TNFRSF1B: variants seen among roughly 807,000 people sequenced by gnomAD.
The protein encoded by TNFRSF1B is tumor necrosis factor receptor superfamily member 1B.
A neutral mutation model predicts 44.6 loss-of-function variants in TNFRSF1B; 19 were observed. The observed-to-expected ratio is 0.43, with a 90% CI of 0.30 to 0.62. TNFRSF1B has a LOEUF of 0.62. Among genes scored for constraint, TNFRSF1B ranks in the 20% least tolerant of loss-of-function variants. The pLI, the probability that TNFRSF1B is intolerant of heterozygous loss-of-function variation, is 0.16. For missense variants in TNFRSF1B, 541 were observed against 619.9 expected, an observed-to-expected ratio of 0.87 and a Z score of 1.35; for synonymous variants, 252 against 261.1, an observed-to-expected ratio of 0.97 and a Z score of 0.34.
chr1:12,201,810 G>T (rs1639395073), intron 8 of TNFRSF1B, among the ~76,000 whole-genome samples, 157 bp from the exon 9 acceptor site: 1 of 152,216 alleles, frequency 6.6e-6, no homozygotes, highest in Non-Finnish European at 1.5e-5. Flanking sequence ...CCCAAAAAGT[G>T]CCGTGTGTGG....
chr1:12,197,471 C>T (rs1639291093), intron 8 of TNFRSF1B, among the ~76,000 whole-genome samples: 1 of 152,182 alleles, frequency 6.6e-6, no homozygotes, highest in Non-Finnish European at 1.5e-5. Flanking sequence ...CTGAGCTTAT[C>T]CCAGCACAGC....
intron 8 of TNFRSF1B, among the ~76,000 whole-genome samples, chr1:12,195,789 T>C (rs924216174): frequency 6.6e-6 from 1 of 152,104 alleles, no homozygotes; most frequent in Non-Finnish European, 1.5e-5. Context: ...GCAGGTTTTT[T>C]ACCCAATTTG....
At position 12,202,136 on chromosome 1, in the gene TNFRSF1B, G is replaced by A. The variant is rs1025247696; in HGVS notation, c.1070G>A (p.Gly357Glu). ...QPQAPGVEASGAGEARASTGS... is the reference protein window; with the variant it reads ...QPQAPGVEASEAGEARASTGS... ...CAGGCACCAGGCGTGGAGGCCAGTG[G>A]GGCCGGGGAGGCCCGGGCCAGCACC... The change falls in exon 9 of 10, where the codon GGG becomes GAG. Residue 357 changes from glycine to glutamate, a missense_variant. Coordinates refer to ENST00000376259, the MANE Select transcript of TNFRSF1B (RefSeq NM_001066.3). 6 of 1,557,096 alleles carry A rather than the reference G, an allele frequency of 3.9e-6. No homozygotes were observed. The African/African-American group carries it at 8.1e-5, about 21-fold the overall frequency.
chr1:12,179,963 A>T (rs891247901), intron 1 of TNFRSF1B, among the ~76,000 whole-genome samples: 1 of 152,028 alleles, frequency 6.6e-6, no homozygotes. Context: ...CTCTGTGTAA[A>T]GGCTTGATCT....
chr1:12,190,259 G>C (rs1639082352), intron 2 of TNFRSF1B, among the ~76,000 whole-genome samples: 1 of 152,082 alleles, frequency 6.6e-6, no homozygotes, highest in Non-Finnish European at 1.5e-5. Flanking sequence ...AGGAGTTTGA[G>C]ACCAGCCTGG....
At chr1:12,201,242 C>T (rs1220707223) in intron 8 of TNFRSF1B, among the ~76,000 whole-genome samples, 3 of 118,132 alleles carry the variant, frequency 2.5e-5, no homozygotes, top group East Asian at 2.4e-4. Context: ...GCCTGAGCAA[C>T]AGGGTGAGAC....
intron 9 of TNFRSF1B, among the ~76,000 whole-genome samples, chr1:12,203,981 C>T (rs1420508676): frequency 2.6e-5 from 4 of 152,354 alleles, no homozygotes; most frequent in South Asian, 2.1e-4. Context: ...CCATCTGCCT[C>T]GGCCTCCCGA....
In TNFRSF1B at chr1:12,207,823, T is replaced by C. The variant is rs1639544249; in HGVS notation, c.*803T>C. ...TACTCAGAAGCCTGAGGCTGGGAAA[T>C]CGTTTGAACCCGGGAAGCGGAGGTT... On this transcript the variant is annotated 3_prime_UTR_variant, in exon 10 of 10. Coordinates refer to ENST00000376259, the MANE Select transcript of TNFRSF1B (RefSeq NM_001066.3). The C allele has an allele frequency of 6.6e-6, 1 of 151,904 alleles. No individual in the cohort carries two copies. The highest frequency in any genetic ancestry group is 1.5e-5 in the Non-Finnish European group (1 of 68,058). 9.4% of individuals were successfully genotyped at this position (151,904 alleles called of 1,614,324 possible). A position where few individuals can be genotyped will look rare whatever the true frequency, so the allele number is the denominator to read the frequency against.
Position 12,207,046 on chromosome 1 carries a change from G to A in TNFRSF1B, c.*26G>A. The stretch of plus-strand genomic sequence containing the variant: ...CCAGGCCGGTGTGGGCTGTGTCGTA[G>A]CCAAGGTGGGCTGAGCCCTGGCAGG... On this transcript the variant is annotated 3_prime_UTR_variant, in exon 10 of 10. Coordinates refer to ENST00000376259, the MANE Select transcript of TNFRSF1B (RefSeq NM_001066.3). 1.9e-6 allele frequency: 3 copies of A among 1,540,026 alleles called. No individual in the cohort carries two copies. The highest frequency in any genetic ancestry group is 2.6e-6 in the Non-Finnish European group (3 of 1,138,460).
chr1:12,204,364 C>T (rs374409470), intron 9 of TNFRSF1B, among the ~76,000 whole-genome samples: 11 of 152,260 alleles, frequency 7.2e-5, no homozygotes, highest in African/African-American at 2.2e-4. Context: ...AATTTCCTTC[C>T]GGCCTTGTGA....
chr1:12,174,496 C>G (rs1638609275), intron 1 of TNFRSF1B, among the ~76,000 whole-genome samples: 2 of 152,180 alleles, frequency 1.3e-5, no homozygotes. Flanking sequence ...GATCTGCCCG[C>G]CTTGGCCTCC....
chr1:12,185,332 T>C (rs1287279949), intron 1 of TNFRSF1B, among the ~76,000 whole-genome samples: 1 of 152,184 alleles, frequency 6.6e-6, no homozygotes, highest in East Asian at 1.9e-4. Context: ...CTTTTTTTAA[T>C]GGTACAGCTT....
At chr1:12,179,049 C>T (rs1358158901) in intron 1 of TNFRSF1B, among the ~76,000 whole-genome samples, 2 of 151,964 alleles carry the variant, frequency 1.3e-5, no homozygotes, top group East Asian at 3.9e-4. Context: ...GAGGCTGGGG[C>T]GTCTCTCATT....
rs1199609214 is a variant in TNFRSF1B, at chr1:12,207,341, T to A, written c.*321T>A. The A allele has an allele frequency of 2.1e-5, 7 of 339,384 alleles. No individual in the cohort carries two copies. Among genetic ancestry groups the A allele is most frequent in the Non-Finnish European group, 3.2e-5 (6 of 188,704 alleles). 21.0% of individuals were successfully genotyped at this position (339,384 alleles called of 1,614,324 possible). ...GCCCAGCTGCACCTGCCAGCCTGGC[T>A]TCTGGAGCCCTTGGGTTTTTTGTTT... On this transcript the variant is annotated 3_prime_UTR_variant, in exon 10 of 10. Coordinates refer to ENST00000376259, the MANE Select transcript of TNFRSF1B (RefSeq NM_001066.3).
chr1:12,183,736 TCTATCTATCTATCTAGCTAGCTAG>T (rs1638893672), intron 1 of TNFRSF1B, among the ~76,000 whole-genome samples: 1 of 126,554 alleles, frequency 7.9e-6, no homozygotes, highest in African/African-American at 2.8e-5. Context: ...TATCTATCTA[TCTATCTATCTATCTAGCTAGCTAG>T]CTAGCTAGCT....
rs60313758 is a variant in TNFRSF1B, at chr1:12,198,691, G to GTTTTTTTTTTTTTTTTTT, written c.901-3259_901-3258insTTTTTTTTTTTTTTTTTT. Among the ~76,000 whole-genome samples the GTTTTTTTTTTTTTTTTTT allele has an allele frequency of 4.7e-5, 4 of 85,626 alleles. 1 individual carries two copies. The highest frequency in any genetic ancestry group is 9.4e-5 in the African/African-American group (2 of 21,370). The allele number at this position is 85,626 out of a possible 152,430, so 56.2% of individuals were successfully genotyped here. A position where few individuals can be genotyped will look rare whatever the true frequency, so the allele number is the denominator to read the frequency against. On this transcript the variant is annotated intron_variant, in intron 8 of 9. Transcript: ENST00000376259. ...TGGCTGGCTGGCTGGCTGGAATTCT[G>GTTTTTTTTTTTTTTTTTT]TTTTTTTTTTTTTTTTTGAGAAAGA...
intron 1 of TNFRSF1B, among the ~76,000 whole-genome samples, chr1:12,183,703 T>TCTAGCTAGCTAGCTAG (rs1638883452): frequency 8.5e-6 from 1 of 117,022 alleles, no homozygotes; most frequent in East Asian, 2.9e-4. Context: ...TATCTATCTA[T>TCTAGCTAGCTAGCTAG]CTATCTATTC....
chr1:12,197,553 C>A (rs1283862721), intron 8 of TNFRSF1B, among the ~76,000 whole-genome samples: 1 of 145,432 alleles, frequency 6.9e-6, no homozygotes, highest in East Asian at 2.0e-4. Flanking sequence ...AGCATCATCA[C>A]CCCCATTTTA....
intron 6 of TNFRSF1B, 124 bp from the exon 7 acceptor site, chr1:12,193,831 C>T (rs1009268966): frequency 2.4e-5 from 17 of 703,598 alleles, no homozygotes; most frequent in Non-Finnish European, 3.5e-5. Flanking sequence ...TGAGAATCTC[C>T]GGCCTAGACT....
Sources: allele counts gnomAD v4.1 joint callset (sites outside exome capture counted in the v4.1 genomes callset), GRCh38; gene constraint gnomAD v4.1.1; transcripts MANE v1.5; gene names NCBI Gene and HGNC (gene_info 2026-07-23, HGNC 2026-07-21).